Variants in ZFHX3 observed in about 807,000 individuals in gnomAD.
ZFHX3 encodes the protein zinc finger homeobox 3, also known as zinc finger homeobox protein 3.
In ZFHX3, 42 loss-of-function variants were observed where a neutral mutation model predicts 279.1. That is an observed-to-expected ratio of 0.15 (90% confidence interval 0.12 to 0.19). The LOEUF is 0.19. Ranked by LOEUF, ZFHX3 falls within the 10% of genes least tolerant of loss-of-function variation. The pLI, the probability that ZFHX3 is intolerant of heterozygous loss-of-function variation, is 1.00. For synonymous variants in ZFHX3, 2,293 were observed against 1,957.8 expected, an observed-to-expected ratio of 1.17 and a Z score of -4.52; for missense variants, 4,981 against 4,754.0, an observed-to-expected ratio of 1.05 and a Z score of -1.40.
rs1388848888 is a variant in ZFHX3, at chr16:72,787,431, C to T, written c.10845G>A (p.Lys3615=). Residue 3615 remains lysine, a synonymous_variant, in exon 10 of 10, where the codon AAG becomes AAA. Coordinates refer to ENST00000268489, the MANE Select transcript of ZFHX3 (RefSeq NM_006885.4). ...PSSASPHASR[K]SWPQVVSRAS... is the part of the protein sequence containing the mutation. ...CCCGGGAGACCACTTGCGGCCAAGA[C>T]TTCCTGGAGGCGTGGGGGGAAGCGG... 1 of 1,582,414 alleles carries T rather than the reference C, an allele frequency of 6.3e-7. No homozygotes were observed. The highest frequency in any genetic ancestry group is 2.3e-5 in the East Asian group (1 of 43,476).
intron 5 of ZFHX3, among the ~76,000 whole-genome samples, chr16:73,172,988 GTTTTTTTGTTTTTTTTTTTGTTTT>G (rs1253906633): frequency 6.5e-5 from 3 of 46,170 alleles, no homozygotes; most frequent in Non-Finnish European, 7.0e-5. Context: ...TGATGGGACT[GTTTTTTTGTTTTTTTTTTTGTTTT>G]TTTTTTTTTT....
At chr16:73,438,815 T>G (rs2143531456) in intron 3 of ZFHX3, among the ~76,000 whole-genome samples, 2 of 152,356 alleles carry the variant, frequency 1.3e-5, no homozygotes, top group South Asian at 4.1e-4. Context: ...ATTTTCTTTT[T>G]GGAAACTTCC....
intron 2 of ZFHX3, among the ~76,000 whole-genome samples, chr16:73,563,448 G>A (rs1567519900): frequency 6.6e-6 from 1 of 151,878 alleles, no homozygotes; most frequent in Non-Finnish European, 1.5e-5. Context: ...TAGCAGAGAC[G>A]GGGTTTCACC....
intron 3 of ZFHX3, among the ~76,000 whole-genome samples, chr16:72,914,599 T>A (rs1179310286): frequency 6.6e-6 from 1 of 152,142 alleles, no homozygotes; most frequent in African/African-American, 2.4e-5. Context: ...TTTGATGTTC[T>A]GACATTAAAA....
At chr16:72,864,966 A>G (rs2037977912) in intron 4 of ZFHX3, among the ~76,000 whole-genome samples, 1 of 152,246 alleles carries the variant, frequency 6.6e-6, no homozygotes, top group African/African-American at 2.4e-5. Context: ...GTGCATTTCC[A>G]GCCAGGATAG....
At chr16:73,445,575 C>T (rs1400037250) in intron 3 of ZFHX3, among the ~76,000 whole-genome samples, 2 of 152,172 alleles carry the variant, frequency 1.3e-5, no homozygotes, top group African/African-American at 4.8e-5. Flanking sequence ...CTGCTCTACC[C>T]AGACGCAAGA....
chr16:73,438,835 A>G (rs895293314), intron 3 of ZFHX3, among the ~76,000 whole-genome samples: 2 of 152,208 alleles, frequency 1.3e-5, no homozygotes, highest in Admixed American at 6.5e-5. Flanking sequence ...CTACCTACCT[A>G]GAGAGTGACA....
chr16:73,151,179 T>G (rs7190071), intron 5 of ZFHX3, among the ~76,000 whole-genome samples: 1 of 151,952 alleles, frequency 6.6e-6, no homozygotes. Context: ...GGCGACCAAA[T>G]CCCCAACTTT....
chr16:73,288,512 G>A lies in ZFHX3; in HGVS notation c.-1194+29728C>T, dbSNP rs553046302. 7.9e-5 allele frequency among the ~76,000 whole-genome samples: 12 copies of A among 152,304 alleles called. No homozygotes were observed. The East Asian group carries it at 2.3e-3, about 29-fold the overall frequency. ...ACCTACAGAAAATGAGAACCAGCTT[G>A]GAAAAACAAAAAGGCCGTGCGTCTA... On this transcript the variant is annotated intron_variant, in intron 4 of 17. Transcript: ENST00000641206.
At chr16:73,863,864 TTTACTAG>T (rs1961944954) in intron 1 of ZFHX3, among the ~76,000 whole-genome samples, 1 of 152,208 alleles carries the variant, frequency 6.6e-6, no homozygotes, top group Admixed American at 6.5e-5. Context: ...GTCATAATTT[TTTACTAG>T]TTACTGAATT....
At chr16:73,022,292 A>G (rs960228390) in intron 1 of ZFHX3, among the ~76,000 whole-genome samples, 1 of 152,194 alleles carries the variant, frequency 6.6e-6, no homozygotes, top group African/African-American at 2.4e-5. Flanking sequence ...TCTCGCTGAG[A>G]AAGCCAGGCT....
At chr16:73,379,658 T>A (rs866230771) in intron 3 of ZFHX3, among the ~76,000 whole-genome samples, 14 of 152,178 alleles carry the variant, frequency 9.2e-5, no homozygotes, top group African/African-American at 3.4e-4. Context: ...ACCCTGCTGG[T>A]CTTTTCTGTC....
chr16:73,296,729 A>G (rs1292616722), intron 4 of ZFHX3, among the ~76,000 whole-genome samples: 1 of 152,192 alleles, frequency 6.6e-6, no homozygotes, highest in East Asian at 1.9e-4. Flanking sequence ...TTTGTCTAAG[A>G]CAAATACTAC....
At chr16:73,217,810 A>G (rs1221273366) in intron 5 of ZFHX3, among the ~76,000 whole-genome samples, 1 of 152,120 alleles carries the variant, frequency 6.6e-6, no homozygotes, top group Non-Finnish European at 1.5e-5. Flanking sequence ...AGAGGAGCCC[A>G]GGACATTTTG....
At chr16:72,973,194 C>T (rs1273675746) in intron 1 of ZFHX3, among the ~76,000 whole-genome samples, 1 of 152,194 alleles carries the variant, frequency 6.6e-6, no homozygotes, top group African/African-American at 2.4e-5. Flanking sequence ...AAGGACACTG[C>T]CCCCTCACTG....
At chr16:73,579,859 T>G (rs1269602040) in intron 2 of ZFHX3, among the ~76,000 whole-genome samples, 1 of 34,428 alleles carries the variant, frequency 2.9e-5, no homozygotes, top group Non-Finnish European at 8.6e-5. Context: ...ACAGATTATA[T>G]ATATATATAT....
chr16:73,870,359 C>T (rs1314113612), intron 1 of ZFHX3, among the ~76,000 whole-genome samples: 1 of 152,136 alleles, frequency 6.6e-6, no homozygotes, highest in Non-Finnish European at 1.5e-5. Flanking sequence ...CTGGGAATCA[C>T]GAAGCGTCCG....
At chr16:72,790,925 A>G (rs2035672397) in intron 9 of ZFHX3, 1 of 152,212 alleles carries the variant, frequency 6.6e-6, no homozygotes, top group Non-Finnish European at 1.5e-5. Context: ...TCTATATAAG[A>G]GGTTCAAATT....
intron 2 of ZFHX3, among the ~76,000 whole-genome samples, chr16:72,955,742 A>C (rs1961222289): frequency 7.5e-6 from 1 of 133,232 alleles, no homozygotes; most frequent in African/African-American, 2.9e-5. Flanking sequence ...GGCACCACTC[A>C]CTCCAGCCTG....
Sources: gnomAD v4.1 joint callset for allele counts (sites outside exome capture counted in the v4.1 genomes callset) on GRCh38, gnomAD v4.1.1 for gene constraint, MANE v1.5 for transcripts, NCBI Gene and HGNC (gene_info 2026-07-23, HGNC 2026-07-21) for gene names.